The following ASAP2 variants were observed in gnomAD, a reference collection of about 807,000 sequenced individuals.
ASAP2 encodes ArfGAP with SH3 domain, ankyrin repeat and PH domain 2.
Under a neutral mutation model 131.4 loss-of-function variants are expected in ASAP2, and 45 were observed. The observed-to-expected ratio is 0.34, with a 90% confidence interval of 0.27 to 0.44. The LOEUF (loss-of-function observed/expected upper bound fraction) is 0.44. ASAP2 is among the 20% of genes least tolerant of loss of function. The pLI, the probability that ASAP2 is intolerant of heterozygous loss-of-function variation, is 1.00. For missense variants in ASAP2, 1,011 were observed against 1,297.0 expected, an observed-to-expected ratio of 0.78 and a Z score of 3.39; for synonymous variants, 510 against 503.0, an observed-to-expected ratio of 1.01 and a Z score of -0.19.
intron 1 of ASAP2, among the ~76,000 whole-genome samples, chr2:9,248,753 T>G (rs904206552): frequency 1.3e-5 from 2 of 152,040 alleles, no homozygotes; most frequent in African/African-American, 4.8e-5. Context: ...ATTTGACATG[T>G]AGGTTGTATA....
intron 24 of ASAP2, among the ~76,000 whole-genome samples, chr2:9,396,102 C>T (rs898968587): frequency 1.3e-5 from 2 of 152,186 alleles, no homozygotes; most frequent in African/African-American, 4.8e-5. Flanking sequence ...AGAGCTGGGG[C>T]GAGATTCCAG....
intron 1 of ASAP2, among the ~76,000 whole-genome samples, chr2:9,219,931 G>T (rs1014249448): frequency 6.6e-6 from 1 of 152,074 alleles, no homozygotes; most frequent in African/African-American, 2.4e-5. Flanking sequence ...TGCCTATTCT[G>T]GTTGTTTCAT....
intron 21 of ASAP2, among the ~76,000 whole-genome samples, chr2:9,387,934 T>C (rs910082868): frequency 1.3e-5 from 2 of 152,184 alleles, no homozygotes; most frequent in Admixed American, 1.3e-4. Context: ...AACTGCCTTA[T>C]AAAACCATTA....
At position 9,378,984 on chromosome 2, in the gene ASAP2, C is replaced by A. The variant is rs1674618890; in HGVS notation, c.1873C>A (p.Leu625Met). 2 of 1,564,830 alleles carry A rather than the reference C, an allele frequency of 1.3e-6. No individual in the cohort carries two copies. Among genetic ancestry groups the A allele is most frequent in the Admixed American group, 3.7e-5 (2 of 53,922 alleles). Residue 625 changes from leucine (L) to methionine (M), a missense_variant, in exon 19 of 28, where the codon CTG becomes ATG. Transcript: ENST00000281419. ...DKQTGKGSTALHYCCLTDNAE... is the reference protein window; with the variant it reads ...DKQTGKGSTAMHYCCLTDNAE... ...ACAGACAGGGAAAGGCAGCACAGCCCTGCACTACTGCTGCCTGACCGACAA... is the reference window on the plus strand; with the variant it reads ...ACAGACAGGGAAAGGCAGCACAGCCATGCACTACTGCTGCCTGACCGACAA...
intron 24 of ASAP2, among the ~76,000 whole-genome samples, chr2:9,395,206 C>T (rs1676017744): frequency 6.6e-6 from 1 of 152,210 alleles, no homozygotes; most frequent in Admixed American, 6.5e-5. Context: ...GGCGCCATGG[C>T]TCACGCCTGT....
intron 1 of ASAP2, among the ~76,000 whole-genome samples, chr2:9,218,111 G>GT (rs771929727): frequency 3.1e-4 from 47 of 152,112 alleles, no homozygotes; most frequent in Non-Finnish European, 6.3e-4. Flanking sequence ...AAGAATCCCA[G>GT]TGCTGTGGAG....
At position 9,334,385 on chromosome 2, in the gene ASAP2, G is replaced by A. The variant is rs12692382; in HGVS notation, c.687-353G>A. ...CATTCCTTTTCTTTTCCATGTCGCG[G>A]TCGCCTGTTGCGGCACATTCTTCAG... On this transcript the variant is annotated intron_variant, in intron 7 of 27. Transcript: ENST00000281419. Among the ~76,000 whole-genome samples, 1,391 of 152,022 alleles carry A rather than the reference G, an allele frequency of 9.1e-3. 28 individuals are homozygous for A. Among genetic ancestry groups the A allele is most frequent in the African/African-American group, 0.031 (1,304 of 41,462 alleles).
chr2:9,225,823 A>T (rs186262343), intron 1 of ASAP2, among the ~76,000 whole-genome samples: 89 of 152,282 alleles, frequency 5.8e-4, no homozygotes, highest in African/African-American at 2.1e-3. Context: ...ATTCCAGGGA[A>T]GTTAAGTGGC....
chr2:9,390,545 A>G (rs1358263586), intron 22 of ASAP2, among the ~76,000 whole-genome samples: 1 of 152,244 alleles, frequency 6.6e-6, no homozygotes, highest in Non-Finnish European at 1.5e-5. Flanking sequence ...GTCTGCTTCC[A>G]GCCAGAAATA....
At chr2:9,225,760 A>C (rs1196077551) in intron 1 of ASAP2, among the ~76,000 whole-genome samples, 1 of 151,986 alleles carries the variant, frequency 6.6e-6, no homozygotes, top group Non-Finnish European at 1.5e-5. Flanking sequence ...CTGCCGTGGG[A>C]AGTGGTTGTA....
At chr2:9,216,821 A>G (rs956722759) in intron 1 of ASAP2, among the ~76,000 whole-genome samples, 3 of 150,102 alleles carry the variant, frequency 2.0e-5, no homozygotes, top group Non-Finnish European at 4.5e-5. Context: ...CTGGTCTTGA[A>G]CTCCTGGACT....
At chr2:9,363,744 A>T (rs928619527) in intron 15 of ASAP2, among the ~76,000 whole-genome samples, 8 of 152,142 alleles carry the variant, frequency 5.3e-5, no homozygotes, top group Middle Eastern at 3.4e-3. Context: ...CTAATTTTTT[A>T]AAATTTTTCC....
At chr2:9,354,195 G>A (rs1290003010) in intron 12 of ASAP2, among the ~76,000 whole-genome samples, 1 of 152,212 alleles carries the variant, frequency 6.6e-6, no homozygotes, top group Non-Finnish European at 1.5e-5. Context: ...AGTCCCCTGA[G>A]TAGGATGGAG....
intron 1 of ASAP2, among the ~76,000 whole-genome samples, chr2:9,254,443 C>G (rs1341233943): frequency 6.9e-6 from 1 of 144,650 alleles, no homozygotes; most frequent in Non-Finnish European, 1.5e-5. Flanking sequence ...ACCTCTGTCT[C>G]CCGGGTTCAA....
intron 1 of ASAP2, among the ~76,000 whole-genome samples, chr2:9,228,066 A>G (rs187954691): frequency 2.0e-3 from 298 of 152,354 alleles, no homozygotes; most frequent in African/African-American, 6.4e-3. Context: ...GAGTGTATCT[A>G]TAATTATAAT....
intron 5 of ASAP2, among the ~76,000 whole-genome samples, chr2:9,321,733 C>T (rs370536562): frequency 1.3e-5 from 2 of 152,022 alleles, no homozygotes; most frequent in African/African-American, 4.8e-5. Context: ...TCATCTGGTT[C>T]TGAAAAGAAA....
chr2:9,339,487 C>T (rs1558345453), intron 9 of ASAP2, among the ~76,000 whole-genome samples: 1 of 151,984 alleles, frequency 6.6e-6, no homozygotes, highest in African/African-American at 2.4e-5. Flanking sequence ...ACCATATTAT[C>T]TTAATAATAG....
chr2:9,384,307 C>G (rs538522131), intron 20 of ASAP2, among the ~76,000 whole-genome samples: 5 of 152,340 alleles, frequency 3.3e-5, no homozygotes, highest in African/African-American at 1.2e-4. Flanking sequence ...GGACAGCCAG[C>G]CTGTGAGGCC....
rs2148240082 is a variant in ASAP2 at position 9,268,212 on chromosome 2, G to A, written c.127-11105G>A. Reference sequence around the variant, plus strand: ...CTGTGTAGCATTCTGTTGTACGAATGTCCATCATCAGTTTATTCATTTTAC... The same window carrying A: ...CTGTGTAGCATTCTGTTGTACGAATATCCATCATCAGTTTATTCATTTTAC... On this transcript the variant is annotated intron_variant, in intron 1 of 27. Coordinates refer to ENST00000281419, the MANE Select transcript of ASAP2 (RefSeq NM_003887.3). This position sits in a 1 kb window ranked among gnomAD's most constrained non-coding sequence, Gnocchi z 4.1. Among the ~76,000 whole-genome samples the A allele has an allele frequency of 6.6e-6, 1 of 152,286 alleles. No individual in the cohort carries two copies. Among genetic ancestry groups the A allele is most frequent in the East Asian group, 1.9e-4 (1 of 5,188 alleles).
Sources: gnomAD v4.1 joint callset for allele counts (sites outside exome capture counted in the v4.1 genomes callset) on GRCh38, gnomAD v4.1.1 for gene constraint, Gnocchi (gnomAD v3.1) non-coding constraint, MANE v1.5 for transcripts, NCBI Gene and HGNC (gene_info 2026-07-23, HGNC 2026-07-21) for gene names.